TMEM143: variants seen among roughly 807,000 people sequenced by gnomAD.
TMEM143 encodes transmembrane protein 143.
TMEM143 carries 45 observed loss-of-function variants against 40.3 expected under a neutral mutation model. That is an observed-to-expected ratio of 1.12 (90% CI 0.88 to 1.43). The LOEUF is 1.43. TMEM143 is among the 40% of genes most tolerant of loss of function. The probability of loss-of-function intolerance (pLI) is 0.00; values close to 1 mark genes in which losing one functional copy is unlikely to be tolerated. For missense variants in TMEM143, 620 were observed against 613.4 expected, an observed-to-expected ratio of 1.01 and a Z score of -0.11; for synonymous variants, 299 against 282.7, an observed-to-expected ratio of 1.06 and a Z score of -0.58.
At chr19:48,343,196 C>T (rs1015920134) in intron 5 of TMEM143, 125 bp downstream of exon 5, 2 of 1,234,884 alleles carry the variant, frequency 1.6e-6, no homozygotes, top group Non-Finnish European at 2.2e-6. Context: ...GGATGAGTCA[C>T]GCCTCCCATT....
At position 48,363,290 on chromosome 19, in the gene TMEM143, C is replaced by T. The variant is rs1340263961; in HGVS notation, c.264+1G>A. Reference sequence around the variant, plus strand: ...GCTCTTGGGCCTGGGACAGGCGGTACCTGTATTAGGAGGCGGAGCAGCTGC... The same window carrying T: ...GCTCTTGGGCCTGGGACAGGCGGTATCTGTATTAGGAGGCGGAGCAGCTGC... On this transcript the variant is annotated splice_donor_variant, in intron 2 of 7. Coordinates refer to ENST00000293261, the MANE Select transcript of TMEM143 (RefSeq NM_018273.4). LOFTEE classifies it high-confidence loss of function. 2 of 1,612,692 alleles carry T rather than the reference C, an allele frequency of 1.2e-6. No individual in the cohort carries two copies. The highest frequency in any genetic ancestry group is 8.5e-7 in the Non-Finnish European group (1 of 1,179,290).
At chr19:48,338,536 G>A (rs963306107) in intron 6 of TMEM143, among the ~76,000 whole-genome samples, 1 of 152,228 alleles carries the variant, frequency 6.6e-6, no homozygotes, top group Non-Finnish European at 1.5e-5. Flanking sequence ...AACCACCCCT[G>A]GTGTGTTCTT....
chr19:48,343,469 G>C lies in TMEM143; in HGVS notation c.565-18C>G. Reference sequence around the variant, plus strand: ...ACTGTCACCTGCCGGGGGGATGAAGGAAGCAGTGGCGGGTGAACATGGGCA... The same window carrying C: ...ACTGTCACCTGCCGGGGGGATGAAGCAAGCAGTGGCGGGTGAACATGGGCA... On this transcript the variant is annotated intron_variant, in intron 4 of 7. Coordinates refer to ENST00000293261, the MANE Select transcript of TMEM143 (RefSeq NM_018273.4). 3 of 1,566,064 alleles carry C rather than the reference G, an allele frequency of 1.9e-6. No homozygotes were observed. The highest frequency in any genetic ancestry group is 2.6e-6 in the Non-Finnish European group (3 of 1,154,028).
intron 6 of TMEM143, among the ~76,000 whole-genome samples, chr19:48,340,192 T>A (rs1969459892): frequency 7.3e-6 from 1 of 136,580 alleles, no homozygotes; most frequent in African/African-American, 2.7e-5. Context: ...AGTGATGCCA[T>A]CTCAGCTCAC....
chr19:48,335,227 T>C (rs901289679), intron 6 of TMEM143, among the ~76,000 whole-genome samples: 3 of 152,314 alleles, frequency 2.0e-5, no homozygotes, highest in South Asian at 4.1e-4. Flanking sequence ...TTTATCATAC[T>C]ATCCTATTTC....
intron 2 of TMEM143, among the ~76,000 whole-genome samples, chr19:48,362,515 C>A (rs964994175): frequency 2.0e-5 from 3 of 152,000 alleles, no homozygotes; most frequent in African/African-American, 7.3e-5. Context: ...CAGAGTGAGA[C>A]CCTGTCTCAC....
At chr19:48,342,395 G>GGGAAGGAA (rs200209362) in intron 6 of TMEM143, 135 bp downstream of exon 6, 2 of 899,190 alleles carry the variant, frequency 2.2e-6, no homozygotes, top group African/African-American at 5.4e-5. Flanking sequence ...GAGGAAGAAT[G>GGGAAGGAA]GGAAGGAAGG....
At chr19:48,352,145 G>A (rs1355820388) in intron 3 of TMEM143, among the ~76,000 whole-genome samples, 2 of 146,516 alleles carry the variant, frequency 1.4e-5, no homozygotes, top group Non-Finnish European at 3.0e-5. Flanking sequence ...TACTCGGGAG[G>A]CTGAGGCAGG....
chr19:48,357,546 C>T, intron 3 of TMEM143, among the ~76,000 whole-genome samples: 1 of 150,892 alleles, frequency 6.6e-6, no homozygotes, highest in Non-Finnish European at 1.5e-5. Context: ...TTAGTAGAGA[C>T]AGGGTTTCAC....
chr19:48,344,969 A>G (rs995540052), intron 4 of TMEM143, among the ~76,000 whole-genome samples, 191 bp downstream of exon 4: 4 of 152,130 alleles, frequency 2.6e-5, no homozygotes, highest in African/African-American at 9.7e-5. Context: ...TGGACCCCCA[A>G]ACTGCTGGGA....
chr19:48,342,908 A>G, intron 5 of TMEM143, 99 bp from the exon 6 acceptor site: 1 of 1,381,974 alleles, frequency 7.2e-7, no homozygotes, highest in Non-Finnish European at 9.7e-7. Flanking sequence ...ACAGTCGCAC[A>G]ACCATCTTAA....
chr19:48,335,579 C>T (rs1473585750), intron 6 of TMEM143, among the ~76,000 whole-genome samples: 3 of 152,068 alleles, frequency 2.0e-5, no homozygotes, highest in South Asian at 2.1e-4. Context: ...CAAAATTAGC[C>T]GGGCATGGTG....
intron 6 of TMEM143, among the ~76,000 whole-genome samples, chr19:48,335,198 T>C (rs546186693): frequency 1.3e-5 from 2 of 152,344 alleles, no homozygotes; most frequent in African/African-American, 2.4e-5. Context: ...TTGTTGATGC[T>C]AGGTGCTGGC....
In TMEM143 at chr19:48,333,490, G is replaced by A. The variant is rs1969266807; in HGVS notation, c.1166-57C>T. The A allele has an allele frequency of 8.2e-7, 1 of 1,222,556 alleles. No homozygotes were observed. The highest frequency in any genetic ancestry group is 1.2e-6 in the Non-Finnish European group (1 of 858,326). 75.7% of individuals were successfully genotyped at this position (1,222,556 alleles called of 1,614,324 possible). Reference sequence around the variant, plus strand: ...ACACTGAGATCGGGGAAGATTCGAGGGAGCAGCAAGGAGGGGCGTAGGGCA... The same window carrying A: ...ACACTGAGATCGGGGAAGATTCGAGAGAGCAGCAAGGAGGGGCGTAGGGCA... On this transcript the variant is annotated intron_variant, in intron 7 of 7. Transcript: ENST00000293261. The surrounding 1 kb of genome is among the most constrained non-coding windows in gnomAD (Gnocchi z 4.1).
intron 3 of TMEM143, among the ~76,000 whole-genome samples, chr19:48,354,264 C>CTTTTTTT (rs71181682): frequency 9.1e-6 from 1 of 110,326 alleles, no homozygotes; most frequent in African/African-American, 3.3e-5. Context: ...CAGACTTTTT[C>CTTTTTTT]TTTTTTTTTT....
intron 5 of TMEM143, 98 bp from the exon 6 acceptor site, chr19:48,342,907 C>A: frequency 5.4e-5 from 72 of 1,332,478 alleles, no homozygotes; most frequent in Non-Finnish European, 7.2e-5. Flanking sequence ...TACAGTCGCA[C>A]AACCATCTTA....
At chr19:48,357,120 G>T (rs1969922062) in intron 3 of TMEM143, among the ~76,000 whole-genome samples, 1 of 151,338 alleles carries the variant, frequency 6.6e-6, no homozygotes, top group East Asian at 2.0e-4. Context: ...GGTCAGGCTG[G>T]TAATTTCTGT....
At chr19:48,343,013 C>T (rs1969539443) in intron 5 of TMEM143, 4 of 701,818 alleles carry the variant, frequency 5.7e-6, no homozygotes, top group South Asian at 4.0e-5. Context: ...TGGTATTGGA[C>T]GTGCAGATTG....
Position 48,333,998 on chromosome 19 carries a change from C to T in TMEM143, c.1165+10G>A. On this transcript the variant is annotated intron_variant, in intron 7 of 7. Coordinates refer to ENST00000293261, the MANE Select transcript of TMEM143 (RefSeq NM_018273.4). The surrounding 1 kb of genome is among the most constrained non-coding windows in gnomAD (Gnocchi z 4.1). The stretch of plus-strand genomic sequence containing the variant: ...GCCCCTGGGGGCAGGGTCCCAGGGC[C>T]ACGTCCTACCTTCGGGCGAGCCTTG... 1.1e-5 allele frequency: 17 copies of T among 1,532,404 alleles called. No homozygotes were observed. Among genetic ancestry groups the T allele is most frequent in the Non-Finnish European group, 1.5e-5 (17 of 1,141,134 alleles). The allele number at this position is 1,532,404 out of a possible 1,614,324, so 94.9% of individuals were successfully genotyped here.
Sources: allele counts gnomAD v4.1 joint callset (sites outside exome capture counted in the v4.1 genomes callset), GRCh38; gene constraint gnomAD v4.1.1; non-coding constraint Gnocchi (gnomAD v3.1); transcripts MANE v1.5; gene names NCBI Gene and HGNC (gene_info 2026-07-23, HGNC 2026-07-21).